ASIC2: variants seen among roughly 807,000 people sequenced by gnomAD.
ASIC2 encodes acid sensing ion channel subunit 2.
In ASIC2, 25 loss-of-function variants were observed where a neutral mutation model predicts 57.3. The ratio of observed to expected loss-of-function variants is 0.44; its 90% CI spans 0.32 to 0.61. The LOEUF (loss-of-function observed/expected upper bound fraction) is 0.61. ASIC2 is among the 20% of genes least tolerant of loss of function. The probability of loss-of-function intolerance (pLI) is 0.06; values close to 1 mark genes in which losing one functional copy is unlikely to be tolerated. For missense variants in ASIC2, 641 were observed against 738.1 expected, an observed-to-expected ratio of 0.87 and a Z score of 1.52; for synonymous variants, 319 against 307.5, an observed-to-expected ratio of 1.04 and a Z score of -0.39.
At chr17:33,688,280 G>A (rs1480524485) in intron 1 of ASIC2, among the ~76,000 whole-genome samples, 1 of 152,160 alleles carries the variant, frequency 6.6e-6, no homozygotes, top group South Asian at 2.1e-4. Flanking sequence ...ACTTAATGGG[G>A]CAACTGTTCT....
intron 1 of ASIC2, among the ~76,000 whole-genome samples, chr17:33,284,997 A>AGGTG (rs947669267): frequency 6.6e-6 from 1 of 152,228 alleles, no homozygotes; most frequent in African/African-American, 2.4e-5. Flanking sequence ...GGCACACAGT[A>AGGTG]GGTGCTTAAT....
intron 1 of ASIC2, among the ~76,000 whole-genome samples, chr17:33,287,852 C>T (rs934254605): frequency 6.6e-6 from 1 of 152,166 alleles, no homozygotes; most frequent in African/African-American, 2.4e-5. Context: ...GAGTGCTTGG[C>T]ATCTTGTTTT....
At chr17:33,585,770 G>T (rs4795813) in intron 1 of ASIC2, among the ~76,000 whole-genome samples, 75,680 of 152,080 alleles carry the variant, frequency 0.5, 19,398 homozygotes, top group African/African-American at 0.63. Context: ...CCTTCTGCCC[G>T]CTAGTCTCGA....
intron 1 of ASIC2, among the ~76,000 whole-genome samples, chr17:33,924,599 T>A (rs1678358634): frequency 6.6e-6 from 1 of 152,222 alleles, no homozygotes; most frequent in Non-Finnish European, 1.5e-5. Context: ...ACTTGCCTAG[T>A]GTGAAGTGGA....
chr17:33,725,721 A>AC (rs3064573), intron 1 of ASIC2, among the ~76,000 whole-genome samples: 20,708 of 129,750 alleles, frequency 0.16, 1,835 homozygotes, highest in South Asian at 0.23. Context: ...CTATTAAGAA[A>AC]CCCCCCCCCC....
intron 1 of ASIC2, among the ~76,000 whole-genome samples, chr17:33,589,292 A>G (rs1348916502): frequency 6.6e-6 from 1 of 152,200 alleles, no homozygotes; most frequent in East Asian, 1.9e-4. Flanking sequence ...TGGGGCCAGG[A>G]AAGCTTTCAG....
At position 33,596,987 on chromosome 17, in the gene ASIC2, A is replaced by G. The variant is rs117699066; in HGVS notation, c.556-484920T>C. Among the ~76,000 whole-genome samples the G allele has an allele frequency of 2.0e-3, 301 of 152,352 alleles. 1 individual carries two copies. Among genetic ancestry groups the G allele is most frequent in the Non-Finnish European group, 3.5e-3 (235 of 68,034 alleles). On this transcript the variant is annotated intron_variant, in intron 1 of 9. Transcript: ENST00000359872. ...GATTTCTGGCTTCAGCCTTGGTCAC[A>G]GCTGGTGCTCTACAAACATTTGTCA...
At chr17:33,014,543 A>G (rs1050264999) in intron 9 of ASIC2, among the ~76,000 whole-genome samples, 1 of 151,974 alleles carries the variant, frequency 6.6e-6, no homozygotes. Flanking sequence ...AGCTGCCCCA[A>G]GGACTTTTAG....
chr17:33,280,616 A>G (rs1294484585), intron 1 of ASIC2, among the ~76,000 whole-genome samples: 1 of 152,236 alleles, frequency 6.6e-6, no homozygotes, highest in African/African-American at 2.4e-5. Flanking sequence ...GGGCTATGCA[A>G]TCTGACAGGT....
chr17:33,760,835 T>C (rs1368606904), intron 1 of ASIC2, among the ~76,000 whole-genome samples: 1 of 152,182 alleles, frequency 6.6e-6, no homozygotes, highest in African/African-American at 2.4e-5. Context: ...CTTGAGCCCT[T>C]TAAATTTAAG....
chr17:33,422,091 C>T (rs1479464430), intron 1 of ASIC2, among the ~76,000 whole-genome samples: 2 of 152,250 alleles, frequency 1.3e-5, no homozygotes. Context: ...ACATGACAGC[C>T]TCTTCCCTGA....
At chr17:33,257,930 T>C (rs902127782) in intron 1 of ASIC2, among the ~76,000 whole-genome samples, 1 of 152,240 alleles carries the variant, frequency 6.6e-6, no homozygotes, top group Non-Finnish European at 1.5e-5. Flanking sequence ...GATTACATTA[T>C]AATATTAGCT....
chr17:33,215,710 T>C (rs1173847103), intron 1 of ASIC2, among the ~76,000 whole-genome samples: 2 of 151,794 alleles, frequency 1.3e-5, no homozygotes, highest in South Asian at 2.1e-4. Flanking sequence ...TGTGGCTTTT[T>C]TTTTTTTTTG....
chr17:33,749,468 T>C (rs959792684), intron 1 of ASIC2, among the ~76,000 whole-genome samples: 9 of 151,948 alleles, frequency 5.9e-5, no homozygotes, highest in Admixed American at 5.9e-4. Context: ...TCTCCTCTAC[T>C]CCTGTGGGCC....
intron 1 of ASIC2, among the ~76,000 whole-genome samples, chr17:33,404,558 T>C (rs1395863682): frequency 6.6e-6 from 1 of 152,164 alleles, no homozygotes; most frequent in African/African-American, 2.4e-5. Context: ...TTCCAATCAG[T>C]TGCACTCCAG....
intron 1 of ASIC2, among the ~76,000 whole-genome samples, chr17:33,710,350 A>G (rs538354665): frequency 1.1e-4 from 16 of 152,176 alleles, no homozygotes; most frequent in Non-Finnish European, 2.4e-4. Context: ...TCCCACACAC[A>G]CAAAGAAAAA....
intron 1 of ASIC2, chr17:34,119,983 A>C (rs1466181229): frequency 6.6e-6 from 1 of 152,260 alleles, no homozygotes; most frequent in Non-Finnish European, 1.5e-5. Context: ...TGCACCTCAG[A>C]ACAGCAGGCA....
intron 1 of ASIC2, among the ~76,000 whole-genome samples, chr17:33,747,222 CT>C (rs61564362): frequency 0.013 from 1,498 of 116,778 alleles, 17 homozygotes; most frequent in African/African-American, 0.042. Flanking sequence ...ATCCAGCCGT[CT>C]TTTTTTTTTT....
intron 1 of ASIC2, among the ~76,000 whole-genome samples, chr17:33,786,885 C>T (rs1911614844): frequency 6.6e-6 from 1 of 152,218 alleles, no homozygotes; most frequent in Non-Finnish European, 1.5e-5. Flanking sequence ...GAAGGGTGAG[C>T]TGCAGTACAT....
Sources: gnomAD v4.1 joint callset for allele counts (sites outside exome capture counted in the v4.1 genomes callset) on GRCh38, gnomAD v4.1.1 for gene constraint, MANE v1.5 for transcripts, NCBI Gene and HGNC (gene_info 2026-07-23, HGNC 2026-07-21) for gene names.